Variants in FARP2 observed in about 807,000 individuals in gnomAD.
FARP2 encodes FERM, ARHGEF and pleckstrin domain-containing protein 2.
FARP2 carries 111 observed loss-of-function variants against 130.5 expected under a neutral mutation model. The ratio of observed to expected loss-of-function variants is 0.85; its 90% CI spans 0.73 to 1.00. FARP2 has a LOEUF of 1.00. Among genes scored for constraint, FARP2 ranks in the 50% least tolerant of loss-of-function variants. The pLI is 0.00. For missense variants in FARP2, 1,385 were observed against 1,346.3 expected, an observed-to-expected ratio of 1.03 and a Z score of -0.45; for synonymous variants, 504 against 516.9, an observed-to-expected ratio of 0.98 and a Z score of 0.34.
intron 19 of FARP2, among the ~76,000 whole-genome samples, chr2:241,480,629 T>A (rs1559808992): frequency 6.6e-6 from 1 of 152,112 alleles, no homozygotes; most frequent in Non-Finnish European, 1.5e-5. Flanking sequence ...TGGTATTTTA[T>A]CAGCTTATAG....
chr2:241,393,567 G>A (rs1309895917), intron 2 of FARP2, among the ~76,000 whole-genome samples: 1 of 152,102 alleles, frequency 6.6e-6, no homozygotes, highest in Non-Finnish European at 1.5e-5. Flanking sequence ...CTTAAGTAAT[G>A]AAACTTACAG....
At chr2:241,361,599 G>A (rs765043732) in intron 1 of FARP2, among the ~76,000 whole-genome samples, 19 of 152,146 alleles carry the variant, frequency 1.2e-4, no homozygotes, top group Non-Finnish European at 2.5e-4. Context: ...TGACCATAGG[G>A]ACACTCTGCT....
At chr2:241,446,191 AT>A (rs1425612254) in intron 13 of FARP2, 1 of 152,214 alleles carries the variant, frequency 6.6e-6, no homozygotes, top group African/African-American at 2.4e-5. Context: ...ATGCTATGTA[AT>A]TTTTCAAATC....
chr2:241,458,201 A>C (rs2063915182), intron 14 of FARP2, among the ~76,000 whole-genome samples: 1 of 152,066 alleles, frequency 6.6e-6, no homozygotes, highest in Non-Finnish European at 1.5e-5. Context: ...TTTGTAGACT[A>C]TATTGGGCCT....
rs75651774 is a variant in FARP2 at position 241,385,772 on chromosome 2, T to C, written c.183+12482T>C. Among the ~76,000 whole-genome samples, 779 of 152,230 alleles carry C rather than the reference T, an allele frequency of 5.1e-3. 4 individuals carry two copies. The highest frequency in any genetic ancestry group is 0.018 in the African/African-American group (744 of 41,540). ...TTACCTATTTGCCCACACCCAGAATTAACGTCTTCAACATTTACGTCATAT... is the reference window on the plus strand; with the variant it reads ...TTACCTATTTGCCCACACCCAGAATCAACGTCTTCAACATTTACGTCATAT... On this transcript the variant is annotated intron_variant, in intron 2 of 26. Coordinates refer to ENST00000264042, the MANE Select transcript of FARP2 (RefSeq NM_014808.4).
chr2:241,451,152 T>C (rs1024869261), intron 13 of FARP2, among the ~76,000 whole-genome samples: 5 of 152,094 alleles, frequency 3.3e-5, no homozygotes, highest in Non-Finnish European at 7.4e-5. Flanking sequence ...TTTTTTTGTT[T>C]TTGTAGAGAC....
At chr2:241,393,898 T>C (rs923431677) in intron 2 of FARP2, among the ~76,000 whole-genome samples, 1 of 152,246 alleles carries the variant, frequency 6.6e-6, no homozygotes. Context: ...AAAGTTTTGC[T>C]TTTTAACTTG....
At chr2:241,477,840 G>A (rs1256614284) in intron 19 of FARP2, 10 of 152,518 alleles carry the variant, frequency 6.6e-5, no homozygotes, top group Non-Finnish European at 1.3e-4. Flanking sequence ...TGTGCTTATT[G>A]GCCATTTGTA....
chr2:241,491,814 C>T (rs1353390461), intron 24 of FARP2, 135 bp downstream of exon 24: 1 of 816,476 alleles, frequency 1.2e-6, no homozygotes, highest in Non-Finnish European at 1.8e-6. Context: ...TTACTCTCCC[C>T]TTGGTAGAAG....
chr2:241,370,239 C>T lies in FARP2; in HGVS notation c.-24-2845C>T, dbSNP rs1173096366. Among the ~76,000 whole-genome samples the T allele has an allele frequency of 3.9e-5, 6 of 152,056 alleles. 1 individual carries two copies. Among genetic ancestry groups the T allele is most frequent in the Admixed American group, 3.9e-4 (6 of 15,264 alleles). On this transcript the variant is annotated intron_variant, in intron 1 of 26. Transcript: ENST00000264042. ...TTTGAGGTCGAGGATATCCCAAATA[C>T]CCTAATTTGACCATTACACATTGTT...
rs533111874 is a variant in FARP2, at chr2:241,437,790, G to T, written c.1158+1252G>T. Among the ~76,000 whole-genome samples the T allele has an allele frequency of 7.6e-4, 116 of 151,670 alleles. 1 individual carries two copies. Among genetic ancestry groups the T allele is most frequent in the African/African-American group, 2.4e-3 (101 of 41,390 alleles). On this transcript the variant is annotated intron_variant, in intron 12 of 26. Coordinates refer to ENST00000264042, the MANE Select transcript of FARP2 (RefSeq NM_014808.4). ...CACCATTCACCTGCCTCAGCCTCCCGAGTAGCTGGGACTGCAGGTGCCCGC... is the reference window on the plus strand; with the variant it reads ...CACCATTCACCTGCCTCAGCCTCCCTAGTAGCTGGGACTGCAGGTGCCCGC...
chr2:241,457,247 T>C (rs982166009), intron 14 of FARP2, among the ~76,000 whole-genome samples: 1 of 152,148 alleles, frequency 6.6e-6, no homozygotes, highest in Non-Finnish European at 1.5e-5. Flanking sequence ...TCTTCCTTCC[T>C]TCCTTCCCAC....
intron 17 of FARP2, among the ~76,000 whole-genome samples, chr2:241,465,175 A>G (rs1294502475): frequency 6.6e-6 from 1 of 152,132 alleles, no homozygotes; most frequent in Non-Finnish European, 1.5e-5. Context: ...CCATCAGGAC[A>G]GGACTCCCCC....
At chr2:241,465,705 A>G (rs752231200) in intron 17 of FARP2, 10 of 1,550,954 alleles carry the variant, frequency 6.4e-6, no homozygotes, top group Non-Finnish European at 8.7e-6. Context: ...TGACCGCCCA[A>G]GGTGTGGAGC....
intron 21 of FARP2, among the ~76,000 whole-genome samples, chr2:241,485,574 C>T (rs558948772): frequency 2.7e-5 from 4 of 148,650 alleles, no homozygotes; most frequent in Non-Finnish European, 4.5e-5. Flanking sequence ...TAGGATCTTC[C>T]CTTCCTGGAG....
chr2:241,416,129 C>T (rs1052774771), intron 7 of FARP2, among the ~76,000 whole-genome samples: 2 of 151,382 alleles, frequency 1.3e-5, no homozygotes, highest in Admixed American at 6.6e-5. Context: ...CTGTGTGTGG[C>T]TCATATGTTC....
chr2:241,416,921 CGAGTGAGTGGGTGAGT>C (rs1048301923), intron 7 of FARP2, among the ~76,000 whole-genome samples: 9 of 151,506 alleles, frequency 5.9e-5, no homozygotes, highest in African/African-American at 2.2e-4. Flanking sequence ...AACGAATGAG[CGAGTGAGTGGGTGAGT>C]GAGTGAGTGA....
chr2:241,386,757 A>G (rs2061793342), intron 2 of FARP2: 1 of 152,226 alleles, frequency 6.6e-6, no homozygotes, highest in South Asian at 2.1e-4. Context: ...TATCTTACAA[A>G]CAGAGGGAGT....
intron 13 of FARP2, among the ~76,000 whole-genome samples, chr2:241,454,925 G>A (rs963761058): frequency 6.6e-6 from 1 of 152,160 alleles, no homozygotes; most frequent in African/African-American, 2.4e-5. Flanking sequence ...CAGCAGGCAA[G>A]ATCTTTCCAG....
Sources: allele counts gnomAD v4.1 joint callset (sites outside exome capture counted in the v4.1 genomes callset), GRCh38; gene constraint gnomAD v4.1.1; transcripts MANE v1.5; gene names NCBI Gene and HGNC (gene_info 2026-07-23, HGNC 2026-07-21).